TP53AIP1: variants seen among roughly 807,000 people sequenced by gnomAD.
TP53AIP1 encodes the protein p53-regulated apoptosis-inducing protein 1.
Under a neutral mutation model 9.5 loss-of-function variants are expected in TP53AIP1, and 14 were observed. That is an observed-to-expected ratio of 1.47 (90% CI 0.97 to 2.30). The LOEUF (loss-of-function observed/expected upper bound fraction) is 2.30. Ranked by LOEUF, TP53AIP1 falls within the 30% of genes most tolerant of loss-of-function variation. The pLI is 0.00. For synonymous variants in TP53AIP1, 73 were observed against 61.2 expected (o/e 1.19, Z -0.90); for missense variants, 153 against 146.7 (o/e 1.04, Z -0.22).
chr11:128,935,238 G>T, downstream of TP53AIP1: 1 of 1,390,048 alleles, frequency 7.2e-7, no homozygotes, highest in Non-Finnish European at 9.5e-7. Context: ...CATACTGGGA[G>T]TGCCCTCGGG....
chr11:128,937,237 T>C lies in TP53AIP1; in HGVS notation c.141+441A>G. On this transcript the variant is annotated intron_variant, in intron 2 of 3. Coordinates refer to ENST00000531399, the MANE Select transcript of TP53AIP1 (RefSeq NM_022112.3). The surrounding 1 kb of genome is among the most constrained non-coding windows in gnomAD (Gnocchi z 4.8). ...TAAGTGACTGGTGCTCCGAGGCCCA[T>C]CTGGACAAAAGCAGGATCCGGGGTG... 1 of 1,254,646 alleles carries C rather than the reference T, an allele frequency of 8.0e-7. No individual in the cohort carries two copies. The highest frequency in any genetic ancestry group is 1.0e-6 in the Non-Finnish European group (1 of 998,644). 77.7% of individuals were successfully genotyped at this position (1,254,646 alleles called of 1,614,324 possible). A position where few individuals can be genotyped will look rare whatever the true frequency, so the allele number is the denominator to read the frequency against.
chr11:128,936,478 C>T lies in TP53AIP1; in HGVS notation c.253+60G>A. On this transcript the variant is annotated intron_variant, in intron 3 of 3. Transcript: ENST00000531399. ...TTACCTGGATTTATCGAGAGGACAT[C>T]AAATCACTTAATTCTATCACGGCCC... 6 of 1,487,234 alleles carry T rather than the reference C, an allele frequency of 4.0e-6. No individual in the cohort carries two copies. The South Asian group carries it at 7.9e-5, about 19-fold the overall frequency. 92.1% of individuals were successfully genotyped at this position (1,487,234 alleles called of 1,614,324 possible).
chr11:128,935,279 C>T (rs1296375164), downstream of TP53AIP1: 3 of 1,427,226 alleles, frequency 2.1e-6, no homozygotes, highest in African/African-American at 4.3e-5. Flanking sequence ...ACGCTTGGAG[C>T]ATACTTTTCC....
intron 2 of TP53AIP1, chr11:128,936,940 G>C: frequency 8.5e-7 from 1 of 1,176,998 alleles, no homozygotes; most frequent in Non-Finnish European, 1.1e-6. Context: ...ACCACAGCTC[G>C]GGGCTTTGTC....
chr11:128,935,339 A>T (rs1681226929), downstream of TP53AIP1: 2 of 1,417,274 alleles, frequency 1.4e-6, no homozygotes, highest in East Asian at 5.1e-5. Flanking sequence ...GCAAGTGGAT[A>T]TTATAGATTG....
Position 128,935,719 on chromosome 11 carries a change from A to G in TP53AIP1, c.254-7T>C. On this transcript the variant is annotated splice_polypyrimidine_tract_variant and splice_region_variant and intron_variant, in intron 3 of 3. Coordinates refer to ENST00000531399, the MANE Select transcript of TP53AIP1 (RefSeq NM_022112.3). Reference sequence around the variant, plus strand: ...GAGAGACCTAGACCAAGGCCTCAGTAGGGAGGGAGAGAATTTACTCTTTGC... The same window carrying G: ...GAGAGACCTAGACCAAGGCCTCAGTGGGGAGGGAGAGAATTTACTCTTTGC... 6.4e-7 allele frequency: 1 copy of G among 1,554,830 alleles called. No individual in the cohort carries two copies. The highest frequency in any genetic ancestry group is 8.6e-7 in the Non-Finnish European group (1 of 1,158,626).
chr11:128,938,308 C>A (rs557124905), intron 1 of TP53AIP1, among the ~76,000 whole-genome samples: 4 of 152,202 alleles, frequency 2.6e-5, no homozygotes, highest in African/African-American at 7.2e-5. Context: ...ATCTCAGAGG[C>A]CCGGCCTTCT....
chr11:128,941,334 A>T (rs1333059371), intron 1 of TP53AIP1, among the ~76,000 whole-genome samples: 1 of 152,186 alleles, frequency 6.6e-6, no homozygotes, highest in Non-Finnish European at 1.5e-5. Context: ...CGGAACAGGA[A>T]GTATTTTAAG....
Position 128,935,499 on chromosome 11 carries a change from T to A in TP53AIP1, c.*92A>T, listed in dbSNP as rs1944796206. 2 of 1,461,486 alleles carry A rather than the reference T, an allele frequency of 1.4e-6. No homozygotes were observed. The highest frequency in any genetic ancestry group is 2.8e-5 in the South Asian group (2 of 71,502). 90.5% of individuals were successfully genotyped at this position (1,461,486 alleles called of 1,614,324 possible). On this transcript the variant is annotated 3_prime_UTR_variant, in exon 4 of 4. Transcript: ENST00000531399. ...CGCTAGTCAGCGCTGGAGCCATTTC[T>A]CGACGGTGCTTTCTGTTTGTTTGTT... is the stretch of plus-strand genomic sequence containing the variant.
rs538918030 is a variant in TP53AIP1 at position 128,942,784 on chromosome 11, C to T, written c.-77+10G>A. On this transcript the variant is annotated intron_variant, in intron 1 of 3. Transcript: ENST00000531399. ...ACCAGCGCTGGTCCCCTCCCTCCCC[C>T]TCTCCTCACCTGCCTCCTAGGAGTC... 1 of 152,790 alleles carries T rather than the reference C, an allele frequency of 6.5e-6. No homozygotes were observed. Among genetic ancestry groups the T allele is most frequent in the Non-Finnish European group, 1.5e-5 (1 of 68,438 alleles). The allele number at this position is 152,790 out of a possible 1,614,324, so 9.5% of individuals were successfully genotyped here. A position where few individuals can be genotyped will look rare whatever the true frequency, so the allele number is the denominator to read the frequency against.
chr11:128,936,816 AG>A lies in TP53AIP1; in HGVS notation c.142-168del, dbSNP rs1944833883. 9.1e-6 allele frequency: 13 copies of A among 1,428,092 alleles called. No individual in the cohort carries two copies. The East Asian group carries it at 3.3e-4, about 36-fold the overall frequency. 88.5% of individuals were successfully genotyped at this position (1,428,092 alleles called of 1,614,324 possible). A position where few individuals can be genotyped will look rare whatever the true frequency, so the allele number is the denominator to read the frequency against. On this transcript the variant is annotated intron_variant, in intron 2 of 3. Transcript: ENST00000531399. The stretch of plus-strand genomic sequence containing the variant: ...GTTCCCATGGAAACCAAACTGGGAC[AG>A]GAGGAACAAAAGGCTCCTCAAGGTC...
intron 1 of TP53AIP1, among the ~76,000 whole-genome samples, chr11:128,940,077 C>CAGCT (rs1944912212): frequency 6.6e-6 from 1 of 152,186 alleles, no homozygotes; most frequent in Admixed American, 6.5e-5. Flanking sequence ...GGGCCCTGGG[C>CAGCT]AGCTACCCTC....
intron 3 of TP53AIP1, 126 bp downstream of exon 3, chr11:128,936,412 C>T (rs2136017926): frequency 7.1e-7 from 1 of 1,411,738 alleles, no homozygotes; most frequent in Non-Finnish European, 9.2e-7. Context: ...TGTCAGATGG[C>T]AAATTTCAGG....
At chr11:128,942,664 T>G (rs1357627285) in intron 1 of TP53AIP1, 130 bp downstream of exon 1, 3 of 152,318 alleles carry the variant, frequency 2.0e-5, no homozygotes, top group Non-Finnish European at 4.4e-5. Context: ...CTGCGCATGG[T>G]CACGACTGTA....
rs763769969 is a variant in TP53AIP1 at position 128,935,608 on chromosome 11, G to A, written c.358C>T (p.Pro120Ser). 6.3e-7 allele frequency: 1 copy of A among 1,577,438 alleles called. No individual in the cohort carries two copies. The highest frequency in any genetic ancestry group is 1.1e-5 in the South Asian group (1 of 87,166). Reference sequence around the variant, plus strand: ...ATCTCGGCTCACTGCAACCTCAACGGTGCTTTTTTCTGATCATAGCTGAGC... The same window carrying A: ...ATCTCGGCTCACTGCAACCTCAACGATGCTTTTTTCTGATCATAGCTGAGC... ...FELSYDQKKA[P>S]LRLQ is the part of the protein sequence containing the mutation. Residue 120 changes from proline (P) to serine (S), a missense_variant, in exon 4 of 4, where the codon CCG becomes TCG. Coordinates refer to ENST00000531399, the MANE Select transcript of TP53AIP1 (RefSeq NM_022112.3).
In TP53AIP1 at chr11:128,936,880, G is replaced by A. The variant is rs1304499232; in HGVS notation, c.142-231C>T. On this transcript the variant is annotated intron_variant, in intron 2 of 3. Coordinates refer to ENST00000531399, the MANE Select transcript of TP53AIP1 (RefSeq NM_022112.3). The stretch of plus-strand genomic sequence containing the variant: ...GACATTAGAGACAAAGACAGAGACA[G>A]CAAATCAGCCCAAAGAACAGACATA... 4.5e-6 allele frequency: 6 copies of A among 1,337,618 alleles called. No homozygotes were observed. In the African/African-American group the frequency reaches 7.4e-5, roughly 16 times the overall value. The allele number at this position is 1,337,618 out of a possible 1,614,324, so 82.9% of individuals were successfully genotyped here.
intron 1 of TP53AIP1, among the ~76,000 whole-genome samples, chr11:128,938,645 G>C (rs1449264500): frequency 6.6e-6 from 1 of 152,152 alleles, no homozygotes; most frequent in Non-Finnish European, 1.5e-5. Flanking sequence ...CCAGGGTCTA[G>C]GGAGAAGCTG....
rs150862983 is a variant in TP53AIP1, at chr11:128,940,913, C to T, written c.-77+1881G>A. On this transcript the variant is annotated intron_variant, in intron 1 of 3. Coordinates refer to ENST00000531399, the MANE Select transcript of TP53AIP1 (RefSeq NM_022112.3). ...GCATCAGGAAGTTCATCTCGACAAG[C>T]CCGGGCAAGAGAGGAGGCGGTGAGA... Among the ~76,000 whole-genome samples, 5 of 152,304 alleles carry T rather than the reference C, an allele frequency of 3.3e-5. No individual in the cohort carries two copies. In the East Asian group the frequency reaches 9.7e-4, roughly 29 times the overall value.
intron 2 of TP53AIP1, 142 bp from the exon 3 acceptor site, chr11:128,936,791 G>T: frequency 4.9e-6 from 7 of 1,431,774 alleles, no homozygotes; most frequent in Non-Finnish European, 6.4e-6. Context: ...TGCCACTCAG[G>T]TTCCCATGGA....
Sources: gnomAD v4.1 joint callset for allele counts (sites outside exome capture counted in the v4.1 genomes callset) on GRCh38, gnomAD v4.1.1 for gene constraint, Gnocchi (gnomAD v3.1) non-coding constraint, MANE v1.5 for transcripts, NCBI Gene and HGNC (gene_info 2026-07-23, HGNC 2026-07-21) for gene names.